FMN2: variants seen among roughly 807,000 people sequenced by gnomAD.
FMN2 encodes formin-2.
FMN2 carries 51 observed loss-of-function variants against 142.3 expected under a neutral mutation model. That is an observed-to-expected ratio of 0.36 (90% CI 0.29 to 0.45). The LOEUF (loss-of-function observed/expected upper bound fraction) is 0.45. Ranked by LOEUF, FMN2 falls within the 20% of genes least tolerant of loss-of-function variation. The probability of loss-of-function intolerance (pLI) is 1.00; values close to 1 mark genes in which losing one functional copy is unlikely to be tolerated. For synonymous variants in FMN2, 882 were observed against 869.8 expected (o/e 1.01, Z -0.25); for missense variants, 1,936 against 2,122.8 (o/e 0.91, Z 1.73).
chr1:240,239,728 C>T (rs1056217071), intron 6 of FMN2, among the ~76,000 whole-genome samples: 2 of 152,080 alleles, frequency 1.3e-5, no homozygotes, highest in Non-Finnish European at 2.9e-5. Flanking sequence ...ATGCCATTGG[C>T]CAAAGAGCAG....
intron 6 of FMN2, among the ~76,000 whole-genome samples, chr1:240,213,153 C>T (rs868662434): frequency 6.6e-6 from 1 of 152,112 alleles, no homozygotes; most frequent in Non-Finnish European, 1.5e-5. Context: ...ATAAACAGTG[C>T]CTCTGTGTTG....
intron 8 of FMN2, among the ~76,000 whole-genome samples, chr1:240,300,116 A>G (rs1670147203): frequency 6.6e-6 from 1 of 152,284 alleles, no homozygotes; most frequent in East Asian, 1.9e-4. Context: ...CAAATCACAC[A>G]AGGGTATACC....
chr1:240,236,864 A>C (rs1409166275), intron 6 of FMN2, among the ~76,000 whole-genome samples: 1 of 152,218 alleles, frequency 6.6e-6, no homozygotes, highest in Non-Finnish European at 1.5e-5. Context: ...CAAACATCCA[A>C]ACTATATCAG....
intron 15 of FMN2, among the ~76,000 whole-genome samples, chr1:240,430,876 G>T (rs1430244858): frequency 6.6e-6 from 1 of 151,140 alleles, no homozygotes; most frequent in East Asian, 1.9e-4. Context: ...ATCAGACAAT[G>T]TAAGTCCTTC....
chr1:240,287,964 T>C (rs1669648788), intron 7 of FMN2, among the ~76,000 whole-genome samples: 1 of 152,180 alleles, frequency 6.6e-6, no homozygotes, highest in Admixed American at 6.5e-5. Flanking sequence ...ATCTTTGTGT[T>C]CTGTATTTTT....
rs966190252 is a variant in FMN2 at position 240,344,782 on chromosome 1, G to C, written c.4765+10553G>C. 2.6e-5 allele frequency among the ~76,000 whole-genome samples: 4 copies of C among 152,164 alleles called. No homozygotes were observed. In the East Asian group the frequency reaches 7.7e-4, roughly 29 times the overall value. ...TGGTGAAAACTGCAGCTAATTAAAG[G>C]TGATTACTTCCCTGTCATTTTGAGT... On this transcript the variant is annotated intron_variant, in intron 13 of 17. Transcript: ENST00000319653.
At chr1:240,222,025 T>TC (rs1380151753) in intron 6 of FMN2, among the ~76,000 whole-genome samples, 1 of 149,738 alleles carries the variant, frequency 6.7e-6, no homozygotes, top group African/African-American at 2.5e-5. Flanking sequence ...TTTTTTTTTT[T>TC]TTTTTGTATT....
intron 14 of FMN2, among the ~76,000 whole-genome samples, chr1:240,369,592 A>G (rs1672794917): frequency 6.6e-6 from 1 of 152,140 alleles, no homozygotes; most frequent in South Asian, 2.1e-4. Flanking sequence ...ACATATCTTT[A>G]TATCAAGCCT....
At chr1:240,304,446 C>A (rs1670306933) in intron 8 of FMN2, among the ~76,000 whole-genome samples, 1 of 152,182 alleles carries the variant, frequency 6.6e-6, no homozygotes, top group Non-Finnish European at 1.5e-5. Flanking sequence ...TTTCAGCCTG[C>A]ACCTTTCCCT....
At chr1:240,146,393 C>CA (rs71170704) in intron 2 of FMN2, among the ~76,000 whole-genome samples, 1,793 of 99,362 alleles carry the variant, frequency 0.018, 46 homozygotes, top group African/African-American at 0.057. Context: ...GACTCTGTCT[C>CA]AAAAAAAAAA....
intron 14 of FMN2, among the ~76,000 whole-genome samples, chr1:240,375,634 C>G (rs1673016606): frequency 1.3e-5 from 2 of 152,178 alleles, no homozygotes; most frequent in South Asian, 4.1e-4. Flanking sequence ...ACTTCAGAGG[C>G]ATTCTTAACT....
intron 1 of FMN2, among the ~76,000 whole-genome samples, chr1:240,109,952 G>A (rs369774800): frequency 1.3e-5 from 2 of 152,010 alleles, no homozygotes; most frequent in Non-Finnish European, 2.9e-5. Flanking sequence ...GGGATATGAC[G>A]GACTCCTAAG....
intron 6 of FMN2, among the ~76,000 whole-genome samples, chr1:240,251,136 T>A (rs1448215258): frequency 6.6e-6 from 1 of 152,104 alleles, no homozygotes. Flanking sequence ...TTGTTCTTGC[T>A]TTTCTGGTTC....
rs865793306 is a variant in FMN2, at chr1:240,360,985, G to A, written c.4858+5077G>A. Among the ~76,000 whole-genome samples the A allele has an allele frequency of 7.3e-5, 11 of 151,654 alleles. 1 individual carries two copies. The South Asian group carries it at 2.1e-3, about 29-fold the overall frequency. ...AGGGCCTGTTGTGGGGTCGGGAGAG[G>A]GGGGAGGGATAGCATTAGGAGATAT... On this transcript the variant is annotated intron_variant, in intron 14 of 17. Transcript: ENST00000319653.
At chr1:240,246,926 AGT>A (rs1229142971) in intron 6 of FMN2, among the ~76,000 whole-genome samples, 1 of 152,174 alleles carries the variant, frequency 6.6e-6, no homozygotes, top group East Asian at 1.9e-4. Context: ...ATCTTAGAAG[AGT>A]GTACTCTCCT....
intron 8 of FMN2, among the ~76,000 whole-genome samples, chr1:240,310,616 T>G (rs566895051): frequency 6.6e-6 from 1 of 152,212 alleles, no homozygotes; most frequent in African/African-American, 2.4e-5. Flanking sequence ...GGTTATTGAC[T>G]GTCATTAAGT....
At chr1:240,365,236 T>C (rs58459291) in intron 14 of FMN2, among the ~76,000 whole-genome samples, 2,801 of 126,002 alleles carry the variant, frequency 0.022, 231 homozygotes, top group African/African-American at 0.092. Flanking sequence ...CACATATATA[T>C]ACACATATAC....
intron 16 of FMN2, among the ~76,000 whole-genome samples, chr1:240,459,889 T>G (rs1382916111): frequency 6.6e-6 from 1 of 152,164 alleles, no homozygotes; most frequent in Non-Finnish European, 1.5e-5. Flanking sequence ...AGAAATGCTT[T>G]CACCAAGTTA....
intron 14 of FMN2, among the ~76,000 whole-genome samples, chr1:240,388,178 C>CA (rs71170738): frequency 0.09 from 1,058 of 11,778 alleles, 54 homozygotes; most frequent in Middle Eastern, 0.17. Context: ...ACTCCCATCT[C>CA]AAAAAAAAAA....
Sources: allele counts gnomAD v4.1 joint callset (sites outside exome capture counted in the v4.1 genomes callset), GRCh38; gene constraint gnomAD v4.1.1; transcripts MANE v1.5; gene names NCBI Gene and HGNC (gene_info 2026-07-23, HGNC 2026-07-21).